Variants in LUC7L2 observed in about 807,000 individuals in gnomAD.
LUC7L2 encodes the protein putative RNA-binding protein Luc7-like 2.
LUC7L2 carries 25 observed loss-of-function variants against 52.8 expected under a neutral mutation model. The observed-to-expected ratio is 0.47, with a 90% CI of 0.34 to 0.66. LUC7L2 has a LOEUF of 0.66. Among genes scored for constraint, LUC7L2 ranks in the 30% least tolerant of loss-of-function variants. The probability of loss-of-function intolerance (pLI) is 0.01; values close to 1 mark genes in which losing one functional copy is unlikely to be tolerated. For synonymous variants in LUC7L2, 144 were observed against 160.9 expected (o/e 0.89, Z 0.80); for missense variants, 328 against 497.8 (o/e 0.66, Z 3.25).
chr7:139,359,259 A>C (rs1027427164), upstream of LUC7L2: 1 of 152,286 alleles, frequency 6.6e-6, no homozygotes, highest in African/African-American at 2.4e-5. Flanking sequence ...CATTCAGACT[A>C]AGCCGCCCGC....
At chr7:139,357,986 G>A (rs1799658259), upstream of LUC7L2, among the ~76,000 whole-genome samples, 1 of 149,124 alleles carries the variant, frequency 6.7e-6, no homozygotes. Context: ...CACTGCGTCC[G>A]ACCTCAAAAA....
At chr7:139,383,455 A>C (rs1801148006) in intron 2 of LUC7L2, among the ~76,000 whole-genome samples, 1 of 151,328 alleles carries the variant, frequency 6.6e-6, no homozygotes, top group South Asian at 2.1e-4. Context: ...CTTGTTGCCC[A>C]AGCTGGAGTG....
At chr7:139,378,130 T>C (rs910076987) in intron 2 of LUC7L2, among the ~76,000 whole-genome samples, 1 of 152,090 alleles carries the variant, frequency 6.6e-6, no homozygotes, top group Non-Finnish European at 1.5e-5. Context: ...AATAAACTCC[T>C]TTATCTACTT....
chr7:139,343,007 C>T (rs1799075073), intron 1 of LUC7L2, among the ~76,000 whole-genome samples: 1 of 152,188 alleles, frequency 6.6e-6, no homozygotes, highest in Non-Finnish European at 1.5e-5. Flanking sequence ...AGGGAGAAAC[C>T]TACCCTTTCT....
intron 2 of LUC7L2, among the ~76,000 whole-genome samples, chr7:139,388,813 G>C (rs1375853651): frequency 1.3e-5 from 2 of 151,940 alleles, no homozygotes; most frequent in African/African-American, 4.8e-5. Flanking sequence ...ACCCTGAAGA[G>C]ACTCCTGACT....
At chr7:139,341,004 T>A (rs1798921062) in intron 1 of LUC7L2, 1 of 189,250 alleles carries the variant, frequency 5.3e-6, no homozygotes, top group Admixed American at 5.9e-5. Flanking sequence ...TTTAAAAATG[T>A]CTTCTCAGCG....
intron 2 of LUC7L2, among the ~76,000 whole-genome samples, chr7:139,376,451 AAT>A (rs531948715): frequency 6.7e-4 from 102 of 152,330 alleles, no homozygotes; most frequent in African/African-American, 2.4e-3. Flanking sequence ...TCAGAAATAA[AAT>A]AATTTATTTT....
At chr7:139,416,955 A>G (rs117583269) in intron 8 of LUC7L2, 1,563 of 152,592 alleles carry the variant, frequency 0.01, 11 homozygotes, top group Non-Finnish European at 0.016. Context: ...GGCATATAGT[A>G]GTGGTTCAAA....
intron 1 of LUC7L2, chr7:139,345,444 C>G: frequency 6.2e-7 from 1 of 1,600,560 alleles, no homozygotes; most frequent in East Asian, 2.2e-5. Context: ...TTAAATCTTT[C>G]TCTGTGGACC....
intron 8 of LUC7L2, 136 bp from the exon 9 acceptor site, chr7:139,417,402 G>C (rs1346358756): frequency 1.8e-6 from 2 of 1,090,328 alleles, no homozygotes; most frequent in East Asian, 2.6e-5. Flanking sequence ...CAGCAATTCA[G>C]TGTAGATTTA....
intron 1 of LUC7L2, among the ~76,000 whole-genome samples, chr7:139,365,790 A>G (rs1434478085): frequency 6.6e-6 from 1 of 152,242 alleles, no homozygotes; most frequent in African/African-American, 2.4e-5. Flanking sequence ...TTAATCTACT[A>G]AGAAACTATA....
At chr7:139,384,598 A>G (rs1254299879) in intron 2 of LUC7L2, among the ~76,000 whole-genome samples, 1 of 152,256 alleles carries the variant, frequency 6.6e-6, no homozygotes, top group African/African-American at 2.4e-5. Context: ...AAAGATTGCC[A>G]GTGAATAATT....
chr7:139,368,421 G>A (rs539463449), intron 1 of LUC7L2, among the ~76,000 whole-genome samples: 4 of 152,262 alleles, frequency 2.6e-5, no homozygotes, highest in Admixed American at 6.5e-5. Context: ...ATGTTATTTC[G>A]TATATTTCTG....
intron 1 of LUC7L2, chr7:139,375,067 T>G: frequency 2.0e-6 from 2 of 983,446 alleles, no homozygotes; most frequent in Non-Finnish European, 2.4e-6. Context: ...ATAAAACACC[T>G]ACATTTCTTA....
chr7:139,367,354 T>C (rs1420827425), intron 1 of LUC7L2, among the ~76,000 whole-genome samples: 1 of 152,194 alleles, frequency 6.6e-6, no homozygotes, highest in Non-Finnish European at 1.5e-5. Context: ...TTTAAGTTAA[T>C]TTTAAAATGA....
At chr7:139,390,717 G>A (rs1255022099) in intron 2 of LUC7L2, among the ~76,000 whole-genome samples, 5 of 151,786 alleles carry the variant, frequency 3.3e-5, no homozygotes, top group African/African-American at 9.7e-5. Flanking sequence ...CACCATGCCC[G>A]GCTAATTTTT....
intron 8 of LUC7L2, among the ~76,000 whole-genome samples, chr7:139,415,974 A>G (rs983835368): frequency 7.6e-6 from 1 of 131,648 alleles, no homozygotes; most frequent in Non-Finnish European, 1.6e-5. Flanking sequence ...AACTTGCTGT[A>G]TCAAATTATG....
chr7:139,390,201 T>C (rs2131255486), intron 2 of LUC7L2, among the ~76,000 whole-genome samples: 1 of 151,718 alleles, frequency 6.6e-6, no homozygotes, highest in Middle Eastern at 3.4e-3. Context: ...TGTTTTGATG[T>C]GGTCCAGTGC....
intron 2 of LUC7L2, among the ~76,000 whole-genome samples, chr7:139,379,396 G>A (rs573280111): frequency 6.6e-6 from 1 of 151,214 alleles, no homozygotes; most frequent in African/African-American, 2.4e-5. Context: ...TTATAAAGAG[G>A]TTGGAACTTT....
Sources: gnomAD v4.1 joint callset for allele counts (sites outside exome capture counted in the v4.1 genomes callset) on GRCh38, gnomAD v4.1.1 for gene constraint, MANE v1.5 for transcripts, NCBI Gene and HGNC (gene_info 2026-07-23, HGNC 2026-07-21) for gene names.